C2CD3: variants seen among roughly 807,000 people sequenced by gnomAD.
The protein encoded by C2CD3 is C2 domain containing 3 centriole elongation regulator.
In C2CD3, 148 loss-of-function variants were observed where a neutral mutation model predicts 234.0. The observed-to-expected ratio is 0.63, with a 90% confidence interval of 0.55 to 0.72. The LOEUF is 0.72. Among genes scored for constraint, C2CD3 ranks in the 30% least tolerant of loss-of-function variants. The pLI is 0.00. For synonymous variants in C2CD3, 1,000 were observed against 1,035.4 expected, an observed-to-expected ratio of 0.97 and a Z score of 0.66; for missense variants, 2,577 against 2,811.5, an observed-to-expected ratio of 0.92 and a Z score of 1.89.
chr11:74,168,183 CAATA>C (rs1219462062), intron 2 of C2CD3, 157 bp downstream of exon 2: 7 of 621,324 alleles, frequency 1.1e-5, no homozygotes, highest in African/African-American at 1.8e-5. Flanking sequence ...CAGTAACACT[CAATA>C]AATTTACAAA....
intron 22 of C2CD3, among the ~76,000 whole-genome samples, chr11:74,083,125 A>G (rs1410607011): frequency 1.3e-5 from 2 of 152,252 alleles, no homozygotes; most frequent in African/African-American, 4.8e-5. Context: ...CAGAGGCCTC[A>G]GAAATAACAC....
intron 3 of C2CD3, among the ~76,000 whole-genome samples, chr11:74,150,503 A>G (rs1285640958): frequency 1.8e-5 from 2 of 109,204 alleles, no homozygotes; most frequent in Admixed American, 1.9e-4. Flanking sequence ...AAAAAAAAAA[A>G]AAAAAAAAAA....
At chr11:74,156,322 G>A (rs1856015498) in intron 3 of C2CD3, among the ~76,000 whole-genome samples, 1 of 151,174 alleles carries the variant, frequency 6.6e-6, no homozygotes, top group Non-Finnish European at 1.5e-5. Context: ...CTTAGCTGGG[G>A]GTGGTGGTGT....
In C2CD3 at chr11:74,033,509, C is replaced by T; in HGVS notation, c.6651G>A (p.Glu2217=). 5 of 1,536,246 alleles carry T rather than the reference C, an allele frequency of 3.3e-6. No individual in the cohort carries two copies. The highest frequency in any genetic ancestry group is 4.4e-6 in the Non-Finnish European group (5 of 1,146,924). ...APAENEAATS[E]LGDSADSFKK... ...TGAAGCTATCAGCAGAGTCACCGAG[C>T]TCACTGGTGGCAGCTTCATTCTCAG... The change falls in exon 31 of 33, where the codon GAG becomes GAA. Residue 2217 remains glutamate, a synonymous_variant. Coordinates refer to ENST00000334126, the MANE Select transcript of C2CD3 (RefSeq NM_001286577.2).
chr11:74,020,523 GT>G (rs1364354210), intron 32 of C2CD3, among the ~76,000 whole-genome samples: 4 of 152,178 alleles, frequency 2.6e-5, no homozygotes, highest in African/African-American at 7.2e-5. Flanking sequence ...GAAATGAGTG[GT>G]TTGGAGTCCA....
chr11:74,074,629 A>G (rs1301250460), intron 23 of C2CD3, 29 bp from the exon 24 acceptor site: 1 of 1,556,922 alleles, frequency 6.4e-7, no homozygotes, highest in African/African-American at 1.4e-5. Context: ...GAATAAGGCT[A>G]GTCAAGCAGG....
intron 6 of C2CD3, 133 bp downstream of exon 6, chr11:74,133,292 G>C (rs1162572991): frequency 3.7e-6 from 3 of 802,500 alleles, no homozygotes; most frequent in African/African-American, 1.7e-5. Flanking sequence ...CCTAGTGTAG[G>C]CTTCTTTCCC....
At chr11:74,091,997 G>T (rs895900343) in intron 19 of C2CD3, among the ~76,000 whole-genome samples, 1 of 151,760 alleles carries the variant, frequency 6.6e-6, no homozygotes, top group African/African-American at 2.4e-5. Flanking sequence ...AGAGAAAAGG[G>T]ATGTTTATGT....
chr11:74,034,357 C>G, intron 30 of C2CD3, 79 bp from the exon 31 acceptor site: 1 of 1,478,446 alleles, frequency 6.8e-7, no homozygotes, highest in Non-Finnish European at 9.0e-7. Context: ...CCTTTAGCTT[C>G]AGAAGCACTA....
intron 2 of C2CD3, chr11:74,164,690 A>G (rs1856691258): frequency 6.6e-6 from 1 of 152,226 alleles, no homozygotes; most frequent in Non-Finnish European, 1.5e-5. Context: ...TTTAAAATGT[A>G]AAGGTTTTCT....
chr11:74,113,056 G>C (rs1000480357), intron 11 of C2CD3: 1 of 152,242 alleles, frequency 6.6e-6, no homozygotes, highest in Non-Finnish European at 1.5e-5. Flanking sequence ...CGAATGTCCA[G>C]CAACTGAGAA....
At chr11:74,129,567 CAG>C (rs1957564630) in intron 7 of C2CD3, 1 of 187,762 alleles carries the variant, frequency 5.3e-6, no homozygotes, top group Non-Finnish European at 1.1e-5. Flanking sequence ...GGCGGGCGGG[CAG>C]AGACGCTCCT....
chr11:74,106,360 T>C lies in C2CD3; in HGVS notation c.2085+11A>G, dbSNP rs1215498240. On this transcript the variant is annotated intron_variant, in intron 13 of 32. Transcript: ENST00000334126. ...AAATACTTCTGACTTCCTGAATGTA[T>C]ATCTACATACCTTGAGGGGGCCAAA... is the stretch of plus-strand genomic sequence containing the variant. The C allele has an allele frequency of 6.2e-7, 1 of 1,613,516 alleles. No homozygotes were observed. Among genetic ancestry groups the C allele is most frequent in the Non-Finnish European group, 8.5e-7 (1 of 1,179,702 alleles).
intron 32 of C2CD3, among the ~76,000 whole-genome samples, chr11:74,025,395 A>T (rs1015257029): frequency 2.6e-5 from 4 of 152,284 alleles, no homozygotes; most frequent in African/African-American, 9.6e-5. Context: ...CAAGAGATTG[A>T]GACCATCCTG....
At chr11:74,059,283 T>C (rs1236429021) in intron 24 of C2CD3, among the ~76,000 whole-genome samples, 7 of 151,862 alleles carry the variant, frequency 4.6e-5, no homozygotes, top group African/African-American at 1.7e-4. Context: ...TGGTGGTGGC[T>C]GCCTGTAGTC....
At position 74,170,803 on chromosome 11, in the gene C2CD3, A is replaced by G. The variant is rs113789115; in HGVS notation, c.-11T>C. On this transcript the variant is annotated 5_prime_UTR_variant, in exon 1 of 33. Coordinates refer to ENST00000334126, the MANE Select transcript of C2CD3 (RefSeq NM_001286577.2). Reference sequence around the variant, plus strand: ...TTTTCGTTGTTTCATGATGAGCCCGAGCTCTTCTTCACCAGCTCAACTCCG... The same window carrying G: ...TTTTCGTTGTTTCATGATGAGCCCGGGCTCTTCTTCACCAGCTCAACTCCG... 0.024 allele frequency: 38,974 copies of G among 1,613,900 alleles called. 599 individuals carry two copies. The highest frequency in any genetic ancestry group is 0.028 in the Non-Finnish European group (32,910 of 1,179,940).
intron 24 of C2CD3, among the ~76,000 whole-genome samples, chr11:74,062,174 A>G (rs1954280923): frequency 6.6e-6 from 1 of 152,136 alleles, no homozygotes; most frequent in Admixed American, 6.6e-5. Flanking sequence ...CAATAATAAT[A>G]GGAGAGTTTA....
At chr11:74,134,662 T>C (rs889140054) in intron 5 of C2CD3, among the ~76,000 whole-genome samples, 1 of 152,198 alleles carries the variant, frequency 6.6e-6, no homozygotes, top group African/African-American at 2.4e-5. Context: ...TTATAATTTC[T>C]AAAAATAAAA....
intron 32 of C2CD3, among the ~76,000 whole-genome samples, chr11:74,019,319 C>T (rs1488244259): frequency 6.6e-6 from 1 of 150,856 alleles, no homozygotes; most frequent in Admixed American, 6.6e-5. Flanking sequence ...GCCAGGGTGG[C>T]GCCAGCCAAT....
Sources: gnomAD v4.1 joint callset for allele counts (sites outside exome capture counted in the v4.1 genomes callset) on GRCh38, gnomAD v4.1.1 for gene constraint, MANE v1.5 for transcripts, NCBI Gene and HGNC (gene_info 2026-07-23, HGNC 2026-07-21) for gene names.